Variants in ZBBX observed in about 807,000 individuals in gnomAD.
ZBBX encodes zinc finger B-box domain-containing protein 1.
Under a neutral mutation model 108.5 loss-of-function variants are expected in ZBBX, and 101 were observed. That is an observed-to-expected ratio of 0.93 (90% CI 0.79 to 1.10). ZBBX has a LOEUF of 1.10. Ranked by LOEUF, ZBBX falls within the 50% of genes least tolerant of loss-of-function variation. The pLI is 0.00. For synonymous variants in ZBBX, 356 were observed against 323.4 expected (o/e 1.10, Z -1.08); for missense variants, 1,009 against 941.4 (o/e 1.07, Z -0.94).
intron 16 of ZBBX, among the ~76,000 whole-genome samples, chr3:167,309,043 G>C (rs912773956): frequency 6.6e-6 from 1 of 152,260 alleles, no homozygotes; most frequent in South Asian, 2.1e-4. Context: ...GCAACAACCT[G>C]ATGACCCAGA....
intron 9 of ZBBX, among the ~76,000 whole-genome samples, chr3:167,337,318 G>T (rs183036994): frequency 7.2e-4 from 109 of 152,202 alleles, no homozygotes; most frequent in African/African-American, 2.6e-3. Context: ...AGGAGTTCAA[G>T]ACCAACCTGG....
At chr3:167,217,891 ATTTT>A in the ZBBX span, among the ~76,000 whole-genome samples, 2 of 141,844 alleles carry the variant, frequency 1.4e-5, no homozygotes, top group Non-Finnish European at 1.5e-5. Context: ...TGTTCTCACT[ATTTT>A]TTTTTTTTTT....
the ZBBX span, among the ~76,000 whole-genome samples, chr3:167,204,694 A>G: frequency 4.6e-5 from 7 of 151,390 alleles, no homozygotes; most frequent in Non-Finnish European, 1.0e-4. Flanking sequence ...TAGTGCCGCA[A>G]TAAACATACG....
chr3:167,335,745 A>C (rs1368131997), intron 9 of ZBBX, among the ~76,000 whole-genome samples: 1 of 151,804 alleles, frequency 6.6e-6, no homozygotes, highest in African/African-American at 2.4e-5. Context: ...GTGAACATCA[A>C]ATTAACTAGT....
In ZBBX at chr3:167,292,285, A is replaced by C. The variant is rs559137819; in HGVS notation, c.1880-3302T>G. Among the ~76,000 whole-genome samples the C allele has an allele frequency of 8.5e-5, 13 of 152,332 alleles. No individual in the cohort carries two copies. The South Asian group carries it at 2.7e-3, about 32-fold the overall frequency. On this transcript the variant is annotated intron_variant, in intron 18 of 21. Coordinates refer to ENST00000675490, the MANE Select transcript of ZBBX (RefSeq NM_001199201.2). ...CAGCATCACATCACACTTATTCTAA[A>C]ATTGACCACATAATTGGAAGTAAAA...
At chr3:167,230,496 T>TAAAGG in the ZBBX span, among the ~76,000 whole-genome samples, 199 of 151,934 alleles carry the variant, frequency 1.3e-3, 1 homozygote, top group African/African-American at 4.5e-3. Flanking sequence ...GTCTCCTTTA[T>TAAAGG]ATACAGTGGC....
At chr3:167,395,664 T>G (rs1054600066) in intron 1 of ZBBX, among the ~76,000 whole-genome samples, 7 of 152,130 alleles carry the variant, frequency 4.6e-5, no homozygotes, top group African/African-American at 1.7e-4. Context: ...TTGTTTCTAG[T>G]GATGCATTCT....
chr3:167,381,764 T>A (rs1221237767), upstream of ZBBX, among the ~76,000 whole-genome samples: 2 of 152,068 alleles, frequency 1.3e-5, no homozygotes, highest in Non-Finnish European at 2.9e-5. Flanking sequence ...AATACTGGAG[T>A]GAAGAAATCG....
At chr3:167,367,036 A>C (rs1745429381) in intron 5 of ZBBX, 1 of 373,956 alleles carries the variant, frequency 2.7e-6, no homozygotes. Context: ...GATAAATACT[A>C]CTGAAAGTAT....
intron 8 of ZBBX, 72 bp downstream of exon 8, chr3:167,359,798 T>C (rs575618708): frequency 1.5e-6 from 1 of 685,368 alleles, no homozygotes; most frequent in East Asian, 3.4e-5. Flanking sequence ...TGAGGCCATG[T>C]GAAAGTTCTA....
In ZBBX at chr3:167,317,537, G is replaced by C. The variant is rs1735665619; in HGVS notation, c.1044C>G (p.Thr348=). Residue 348 remains threonine, a synonymous_variant, in exon 13 of 22, where the codon ACC becomes ACG. Coordinates refer to ENST00000675490, the MANE Select transcript of ZBBX (RefSeq NM_001199201.2). ...TTTGAGAACACTGTGCATCACCAGT[G>C]GTTTCATGTGGATGTGGGAACGTAT... ...LPDTFPHPHE[T]TGDAQCSQNE... The C allele has an allele frequency of 1.2e-6, 2 of 1,610,882 alleles. No homozygotes were observed. The highest frequency in any genetic ancestry group is 2.2e-5 in the South Asian group (2 of 90,722).
chr3:167,209,789 C>A, the ZBBX span, among the ~76,000 whole-genome samples: 1,273 of 152,202 alleles, frequency 8.4e-3, 13 homozygotes, highest in Middle Eastern at 0.014. Context: ...ACCTTCCAGA[C>A]ACAGAATTCA....
the ZBBX span, among the ~76,000 whole-genome samples, chr3:167,191,896 CATATATATATAT>C: frequency 1.6e-3 from 110 of 67,956 alleles, 7 homozygotes; most frequent in South Asian, 0.036. Context: ...TTACAAAAAT[CATATATATATAT>C]ATATATATAT....
chr3:167,266,104 T>C (rs1301421724), intron 20 of ZBBX, among the ~76,000 whole-genome samples: 7 of 152,214 alleles, frequency 4.6e-5, no homozygotes, highest in Non-Finnish European at 8.8e-5. Context: ...TTCCTATGTG[T>C]AGACAGTTGT....
intron 1 of ZBBX, among the ~76,000 whole-genome samples, chr3:167,390,466 G>C (rs1384133789): frequency 1.3e-5 from 2 of 150,886 alleles, no homozygotes; most frequent in Admixed American, 6.6e-5. Flanking sequence ...GGCTATACGG[G>C]CTCTTTTTTG....
chr3:167,208,572 G>T, the ZBBX span, among the ~76,000 whole-genome samples: 1 of 152,162 alleles, frequency 6.6e-6, no homozygotes, highest in Admixed American at 6.5e-5. Flanking sequence ...GGATAGAAGT[G>T]AATCCATAGA....
chr3:167,365,686 A>G (rs1745206677), intron 6 of ZBBX, among the ~76,000 whole-genome samples, 200 bp downstream of exon 6: 1 of 151,782 alleles, frequency 6.6e-6, no homozygotes, highest in Non-Finnish European at 1.5e-5. Context: ...TTTTGAAATC[A>G]GTTTGTAGCT....
chr3:167,288,858 C>A lies in ZBBX; in HGVS notation c.1996+9G>T. On this transcript the variant is annotated intron_variant, in intron 19 of 21. Coordinates refer to ENST00000675490, the MANE Select transcript of ZBBX (RefSeq NM_001199201.2). ...CAACATGGCACTGCTGCCTTTGAGT[C>A]AATGTTACCCATCTTTTGCTGTTTT... The A allele has an allele frequency of 1.3e-6, 2 of 1,520,868 alleles. No individual in the cohort carries two copies. The highest frequency in any genetic ancestry group is 2.5e-5 in the South Asian group (2 of 79,118). The allele number at this position is 1,520,868 out of a possible 1,614,324, so 94.2% of individuals were successfully genotyped here. A position where few individuals can be genotyped will look rare whatever the true frequency, so the allele number is the denominator to read the frequency against.
At chr3:167,187,487 A>G in the ZBBX span, among the ~76,000 whole-genome samples, 1 of 152,312 alleles carries the variant, frequency 6.6e-6, no homozygotes, top group Admixed American at 6.5e-5. Flanking sequence ...AGAAGTGGTA[A>G]TTTGTGACTG....
Sources: allele counts gnomAD v4.1 joint callset (sites outside exome capture counted in the v4.1 genomes callset), GRCh38; gene constraint gnomAD v4.1.1; transcripts MANE v1.5; gene names NCBI Gene and HGNC (gene_info 2026-07-23, HGNC 2026-07-21).